The following NTRK2 variants were observed in gnomAD, a reference collection of about 807,000 sequenced individuals.
NTRK2 encodes the protein BDNF/NT-3 growth factors receptor.
NTRK2 carries 13 observed loss-of-function variants against 94.5 expected under a neutral mutation model. The observed-to-expected ratio is 0.14, with a 90% confidence interval of 0.09 to 0.22. NTRK2 has a LOEUF of 0.22. Among genes scored for constraint, NTRK2 ranks in the 10% least tolerant of loss-of-function variants. The probability of loss-of-function intolerance (pLI) is 1.00; values close to 1 mark genes in which losing one functional copy is unlikely to be tolerated. For synonymous variants in NTRK2, 372 were observed against 407.4 expected (o/e 0.91, Z 1.05); for missense variants, 639 against 1,071.2 (o/e 0.60, Z 5.63).
intron 6 of NTRK2, among the ~76,000 whole-genome samples, chr9:84,722,263 A>G (rs921497825): frequency 1.4e-5 from 2 of 145,994 alleles, no homozygotes; most frequent in Admixed American, 1.4e-4. Flanking sequence ...GGGTCTCACT[A>G]GCCCCTGAAA....
chr9:84,706,303 A>AT (rs2061056945), intron 4 of NTRK2, among the ~76,000 whole-genome samples: 1 of 152,192 alleles, frequency 6.6e-6, no homozygotes, highest in South Asian at 2.1e-4. Context: ...GGACACACAC[A>AT]TTCATGATTT....
intron 12 of NTRK2, among the ~76,000 whole-genome samples, chr9:84,804,862 A>G (rs2070921815): frequency 6.6e-6 from 1 of 152,220 alleles, no homozygotes; most frequent in Non-Finnish European, 1.5e-5. Flanking sequence ...CAAGACAGAA[A>G]GGCTAGACAC....
At chr9:84,949,106 A>C (rs1392636539) in intron 16 of NTRK2, among the ~76,000 whole-genome samples, 2 of 152,222 alleles carry the variant, frequency 1.3e-5, no homozygotes, top group Non-Finnish European at 2.9e-5. Context: ...GGAGGAGTCA[A>C]GGCTGAAAGG....
intron 12 of NTRK2, among the ~76,000 whole-genome samples, chr9:84,845,364 G>A (rs1371685103): frequency 1.3e-5 from 2 of 151,996 alleles, no homozygotes; most frequent in African/African-American, 4.8e-5. Flanking sequence ...AGAAAGGAAA[G>A]TCTTCTCAAA....
intron 12 of NTRK2, chr9:84,813,282 G>A: frequency 3.9e-6 from 4 of 1,028,226 alleles, no homozygotes; most frequent in Non-Finnish European, 4.7e-6. Flanking sequence ...CCACAGGAAT[G>A]GGAGCCTAGG....
At chr9:85,010,589 G>A (rs1412997809) in intron 17 of NTRK2, among the ~76,000 whole-genome samples, 2 of 152,132 alleles carry the variant, frequency 1.3e-5, no homozygotes, top group African/African-American at 4.8e-5. Flanking sequence ...TACTTTCTGA[G>A]GGTTTCATTC....
chr9:84,781,488 A>C (rs907771248), intron 12 of NTRK2, among the ~76,000 whole-genome samples: 1 of 152,242 alleles, frequency 6.6e-6, no homozygotes, highest in East Asian at 1.9e-4. Flanking sequence ...TACCCATTAA[A>C]GACCTAGCCT....
At chr9:84,892,566 G>A (rs1484992744) in intron 14 of NTRK2, among the ~76,000 whole-genome samples, 1 of 152,194 alleles carries the variant, frequency 6.6e-6, no homozygotes, top group Non-Finnish European at 1.5e-5. Flanking sequence ...TCCATTTCTA[G>A]AAGCAATTCA....
At chr9:84,740,523 T>G (rs1316267478) in intron 9 of NTRK2, among the ~76,000 whole-genome samples, 1 of 152,210 alleles carries the variant, frequency 6.6e-6, no homozygotes, top group African/African-American at 2.4e-5. Flanking sequence ...CCATCACATG[T>G]GGCTGCACAG....
At chr9:84,904,158 TA>T (rs1486448592) in intron 14 of NTRK2, among the ~76,000 whole-genome samples, 1 of 152,246 alleles carries the variant, frequency 6.6e-6, no homozygotes, top group African/African-American at 2.4e-5. Context: ...GCTTCTTGCC[TA>T]ACCTTGGGCA....
At chr9:84,817,473 G>A (rs903766215) in intron 12 of NTRK2, among the ~76,000 whole-genome samples, 1 of 152,074 alleles carries the variant, frequency 6.6e-6, no homozygotes, top group Admixed American at 6.6e-5. Flanking sequence ...TGATTTATTT[G>A]GCCAATATTC....
intron 14 of NTRK2, among the ~76,000 whole-genome samples, chr9:84,924,229 T>TAGAAAGAAAGAAAGAAAGGA (rs2077667132): frequency 6.1e-5 from 7 of 115,578 alleles, no homozygotes; most frequent in African/African-American, 2.4e-4. Context: ...AGAAAGAAAG[T>TAGAAAGAAAGAAAGAAAGGA]AGAAAGAAAG....
chr9:84,696,614 T>C (rs1392744431), intron 2 of NTRK2, among the ~76,000 whole-genome samples: 1 of 152,208 alleles, frequency 6.6e-6, no homozygotes, highest in Non-Finnish European at 1.5e-5. Context: ...AATTCAGTTA[T>C]GGGGTCAGGT....
intron 2 of NTRK2, among the ~76,000 whole-genome samples, chr9:84,693,675 G>A (rs2131580972): frequency 6.6e-6 from 1 of 152,306 alleles, no homozygotes; most frequent in Non-Finnish European, 1.5e-5. Flanking sequence ...CTCATGTGCA[G>A]TCTGGTTTTC....
chr9:84,789,608 A>G (rs2068514389), intron 12 of NTRK2, among the ~76,000 whole-genome samples: 1 of 152,186 alleles, frequency 6.6e-6, no homozygotes, highest in African/African-American at 2.4e-5. Flanking sequence ...ACTTGTTAAA[A>G]TCAGCCTGGA....
In NTRK2 at chr9:84,671,302, T is replaced by C. The variant is rs560449424; in HGVS notation, c.212+342T>C. 7.7e-4 allele frequency among the ~76,000 whole-genome samples: 118 copies of C among 152,344 alleles called. 1 individual carries two copies. In the South Asian group the frequency reaches 8.9e-3, roughly 12 times the overall value. On this transcript the variant is annotated intron_variant, in intron 2 of 18. Transcript: ENST00000277120. ...ATGCACTAACTTAGTTTTGGGCATT[T>C]TTGTTTCATAAAGTGCTGTGTGTAT...
chr9:84,792,874 A>C (rs915838867), intron 12 of NTRK2, among the ~76,000 whole-genome samples: 1 of 152,224 alleles, frequency 6.6e-6, no homozygotes, highest in African/African-American at 2.4e-5. Flanking sequence ...ACTATAAAAT[A>C]GATATTATAT....
At chr9:84,794,063 C>T (rs2799483) in intron 12 of NTRK2, among the ~76,000 whole-genome samples, 100,803 of 152,126 alleles carry the variant, frequency 0.66, 33,544 homozygotes, top group East Asian at 0.72. Flanking sequence ...GTTTTGTGTC[C>T]AGTGTTGCAA....
At chr9:84,739,928 T>A (rs2063519403) in intron 9 of NTRK2, among the ~76,000 whole-genome samples, 1 of 152,206 alleles carries the variant, frequency 6.6e-6, no homozygotes, top group South Asian at 2.1e-4. Flanking sequence ...GAATGTGAAT[T>A]GTGAAATAGA....
Sources: gnomAD v4.1 joint callset for allele counts (sites outside exome capture counted in the v4.1 genomes callset) on GRCh38, gnomAD v4.1.1 for gene constraint, MANE v1.5 for transcripts, NCBI Gene and HGNC (gene_info 2026-07-23, HGNC 2026-07-21) for gene names.